Variants in IGF2BP2 observed in about 807,000 individuals in gnomAD.
IGF2BP2 encodes the protein insulin like growth factor 2 mRNA binding protein 2, also known as insulin-like growth factor 2 mRNA-binding protein 2.
IGF2BP2 carries 17 observed loss-of-function variants against 75.8 expected under a neutral mutation model. The observed-to-expected ratio is 0.22, with a 90% CI of 0.15 to 0.34. The LOEUF (loss-of-function observed/expected upper bound fraction) is 0.34, where lower values mean the gene tolerates loss of function less well. IGF2BP2 is among the 10% of genes least tolerant of loss of function. The pLI is 1.00. For synonymous variants in IGF2BP2, 288 were observed against 295.6 expected (o/e 0.97, Z 0.26); for missense variants, 516 against 772.4 (o/e 0.67, Z 3.93).
intron 2 of IGF2BP2, among the ~76,000 whole-genome samples, chr3:185,750,151 A>G (rs770544140): frequency 2.0e-5 from 3 of 152,168 alleles, no homozygotes; most frequent in Non-Finnish European, 4.4e-5. Flanking sequence ...ATTGACAGTG[A>G]GAGGACCACA....
At chr3:185,699,476 C>T (rs532385833) in intron 2 of IGF2BP2, among the ~76,000 whole-genome samples, 2 of 152,286 alleles carry the variant, frequency 1.3e-5, no homozygotes, top group East Asian at 3.9e-4. Context: ...ATAGGTACTA[C>T]AGTCCTAATT....
chr3:185,716,510 G>A (rs775299907), intron 2 of IGF2BP2: 1 of 520,128 alleles, frequency 1.9e-6, no homozygotes, highest in Non-Finnish European at 3.8e-6. Flanking sequence ...AGCTTTTGGG[G>A]AAGTGGGCTG....
intron 2 of IGF2BP2, among the ~76,000 whole-genome samples, chr3:185,758,615 G>A (rs897399787): frequency 1.7e-4 from 26 of 152,236 alleles, no homozygotes; most frequent in African/African-American, 6.0e-4. Flanking sequence ...GTTGGGCACT[G>A]TGTTAGCACT....
At chr3:185,811,632 T>G (rs1739839911) in intron 2 of IGF2BP2, among the ~76,000 whole-genome samples, 1 of 152,214 alleles carries the variant, frequency 6.6e-6, no homozygotes, top group Admixed American at 6.5e-5. Flanking sequence ...AGCTAACTAA[T>G]AGCTGTCCCT....
chr3:185,778,114 C>T (rs1335231211), intron 2 of IGF2BP2, among the ~76,000 whole-genome samples: 1 of 152,104 alleles, frequency 6.6e-6, no homozygotes, highest in African/African-American at 2.4e-5. Flanking sequence ...TTTCATTTTA[C>T]AGTAATTTAT....
intron 2 of IGF2BP2, among the ~76,000 whole-genome samples, chr3:185,773,273 T>C (rs1280907481): frequency 6.6e-6 from 1 of 152,218 alleles, no homozygotes; most frequent in East Asian, 1.9e-4. Context: ...AGATAATTCC[T>C]ACTTGTCTAT....
intron 2 of IGF2BP2, chr3:185,716,612 CG>C: frequency 1.9e-6 from 1 of 519,934 alleles, no homozygotes; most frequent in Non-Finnish European, 3.8e-6. Context: ...TACTTTTCTT[CG>C]GGGGCAGGTA....
At chr3:185,665,518 AAGG>A (rs1325141432) in intron 10 of IGF2BP2, among the ~76,000 whole-genome samples, 14 of 72,266 alleles carry the variant, frequency 1.9e-4, no homozygotes, top group Admixed American at 5.6e-4. Context: ...GGAGGAGGAG[AAGG>A]AGGAGGAGGA....
chr3:185,675,220 C>CACTT, intron 9 of IGF2BP2, 76 bp downstream of exon 9: 1 of 1,461,744 alleles, frequency 6.8e-7, no homozygotes, highest in South Asian at 1.3e-5. Flanking sequence ...TATCCTAAGG[C>CACTT]ACTTCCTCAT....
At chr3:185,649,260 T>C (rs1714142948) in intron 14 of IGF2BP2, 143 bp downstream of exon 14, 3 of 1,117,328 alleles carry the variant, frequency 2.7e-6, no homozygotes, top group Admixed American at 2.3e-5. Flanking sequence ...AGGGCTCAGA[T>C]GCCAGGAGAG....
At chr3:185,710,152 A>ATT (rs567527407) in intron 2 of IGF2BP2, among the ~76,000 whole-genome samples, 4,545 of 117,418 alleles carry the variant, frequency 0.039, 106 homozygotes, top group Non-Finnish European at 0.05. Flanking sequence ...GTAGTTTTAG[A>ATT]TTTTTTTTTT....
chr3:185,747,277 C>T (rs1730365901), intron 2 of IGF2BP2, among the ~76,000 whole-genome samples: 1 of 152,116 alleles, frequency 6.6e-6, no homozygotes, highest in Non-Finnish European at 1.5e-5. Context: ...ACTGGTAACG[C>T]TACGATTTAT....
intron 2 of IGF2BP2, among the ~76,000 whole-genome samples, chr3:185,796,895 A>T (rs925518050): frequency 2.6e-5 from 4 of 152,196 alleles, no homozygotes; most frequent in Non-Finnish European, 4.4e-5. Context: ...TTACTGAGCA[A>T]CATACCGTTG....
chr3:185,776,887 T>G (rs190990692), intron 2 of IGF2BP2, among the ~76,000 whole-genome samples: 5 of 152,250 alleles, frequency 3.3e-5, no homozygotes, highest in Admixed American at 6.5e-5. Flanking sequence ...CAGCTTATGG[T>G]AAAGACATAC....
intron 2 of IGF2BP2, chr3:185,722,569 C>T (rs2149474944): frequency 4.0e-6 from 1 of 250,338 alleles, no homozygotes; most frequent in African/African-American, 2.4e-5. Flanking sequence ...AAGGTGGAAA[C>T]AGGGAAGGTA....
chr3:185,791,103 G>A (rs1736586546), intron 2 of IGF2BP2, among the ~76,000 whole-genome samples: 1 of 152,216 alleles, frequency 6.6e-6, no homozygotes, highest in Admixed American at 6.5e-5. Context: ...TCTAATTATG[G>A]TCCATATTCT....
intron 2 of IGF2BP2, among the ~76,000 whole-genome samples, chr3:185,803,718 T>C (rs1203855488): frequency 6.6e-6 from 1 of 152,246 alleles, no homozygotes; most frequent in Non-Finnish European, 1.5e-5. Context: ...TTATTAATTC[T>C]AATTGTAATA....
intron 2 of IGF2BP2, among the ~76,000 whole-genome samples, chr3:185,715,300 G>A (rs1279540533): frequency 6.6e-6 from 1 of 152,208 alleles, no homozygotes; most frequent in Non-Finnish European, 1.5e-5. Context: ...AAAGGCAAGA[G>A]AGCAGGCTGG....
intron 2 of IGF2BP2, among the ~76,000 whole-genome samples, chr3:185,705,971 T>C (rs1383924975): frequency 6.6e-6 from 1 of 152,228 alleles, no homozygotes; most frequent in Non-Finnish European, 1.5e-5. Flanking sequence ...AATTCATTTA[T>C]CTCCCCACAG....
Sources: allele counts gnomAD v4.1 joint callset (sites outside exome capture counted in the v4.1 genomes callset), GRCh38; gene constraint gnomAD v4.1.1; transcripts MANE v1.5; gene names NCBI Gene and HGNC (gene_info 2026-07-23, HGNC 2026-07-21).